Variants in TRAPPC8 observed in about 807,000 individuals in gnomAD.
TRAPPC8 encodes the protein general sporulation gene 1 homolog.
Under a neutral mutation model 174.3 loss-of-function variants are expected in TRAPPC8, and 54 were observed. That is an observed-to-expected ratio of 0.31 (90% CI 0.25 to 0.39). The LOEUF is 0.39. TRAPPC8 is among the 10% of genes least tolerant of loss of function. TRAPPC8 has a pLI of 1.00. For synonymous variants in TRAPPC8, 630 were observed against 579.9 expected, an observed-to-expected ratio of 1.09 and a Z score of -1.24; for missense variants, 1,531 against 1,699.1, an observed-to-expected ratio of 0.90 and a Z score of 1.74.
chr18:31,889,928 C>G lies in TRAPPC8; in HGVS notation c.1728+807G>C, dbSNP rs147505725. ...AAACACTGGGATGCTTTGGTTAGCA[C>G]AGACTTAGAAAAATTAAGGATGTTC... On this transcript the variant is annotated intron_variant, in intron 12 of 28. Transcript: ENST00000283351. Among the ~76,000 whole-genome samples, 15 of 152,230 alleles carry G rather than the reference C, an allele frequency of 9.9e-5. No individual in the cohort carries two copies. The East Asian group carries it at 1.9e-3, about 20-fold the overall frequency.
chr18:31,869,843 C>T (rs189081498), intron 16 of TRAPPC8, among the ~76,000 whole-genome samples: 1 of 152,252 alleles, frequency 6.6e-6, no homozygotes, highest in East Asian at 1.9e-4. Context: ...AATCCCAGCA[C>T]TTCGGGAGGC....
In TRAPPC8 at chr18:31,909,657, A is replaced by G. The variant is rs1431735532; in HGVS notation, c.865+10T>C. On this transcript the variant is annotated intron_variant, in intron 6 of 28. Coordinates refer to ENST00000283351, the MANE Select transcript of TRAPPC8 (RefSeq NM_014939.5). Reference sequence around the variant, plus strand: ...ATCAAAAGAGAAACTTAGAGAAAATATATCAAGACCTTTGACTTCGTTATC... The same window carrying G: ...ATCAAAAGAGAAACTTAGAGAAAATGTATCAAGACCTTTGACTTCGTTATC... The G allele has an allele frequency of 6.3e-6, 10 of 1,587,870 alleles. No individual in the cohort carries two copies. Among genetic ancestry groups the G allele is most frequent in the African/African-American group, 5.5e-5 (4 of 73,112 alleles).
chr18:31,934,298 A>G (rs891564467), intron 1 of TRAPPC8, among the ~76,000 whole-genome samples: 18 of 152,170 alleles, frequency 1.2e-4, no homozygotes, highest in African/African-American at 4.1e-4. Context: ...AGTCTGTCCT[A>G]TAACGTTTGA....
chr18:31,911,124 T>A (rs1747128774), intron 5 of TRAPPC8, among the ~76,000 whole-genome samples: 1 of 152,194 alleles, frequency 6.6e-6, no homozygotes, highest in Admixed American at 6.5e-5. Flanking sequence ...TATCAGAAGA[T>A]CAAAAATTAC....
chr18:31,942,633 C>T lies in TRAPPC8; in HGVS notation c.132G>A (p.Lys44=). The change falls in exon 1 of 29, where the codon AAG becomes AAA. Residue 44 remains lysine (K), a synonymous_variant. Coordinates refer to ENST00000283351, the MANE Select transcript of TRAPPC8 (RefSeq NM_014939.5). ...LNHLSFAELL[K]PFSRLTSEVH... ...CCTCGGAAGTGAGGCGGGAGAAGGG[C>T]TTAAGCAGCTCCGCGAAGCTGAGGT... 6.2e-7 allele frequency: 1 copy of T among 1,610,644 alleles called. No individual in the cohort carries two copies. Among genetic ancestry groups the T allele is most frequent in the Non-Finnish European group, 8.5e-7 (1 of 1,178,448 alleles).
intron 10 of TRAPPC8, among the ~76,000 whole-genome samples, chr18:31,900,314 T>G (rs934476234): frequency 2.6e-5 from 4 of 152,156 alleles, no homozygotes; most frequent in African/African-American, 9.7e-5. Context: ...CTTTCCAAAT[T>G]TATCATCCAG....
chr18:31,849,757 C>T lies in TRAPPC8; in HGVS notation c.3562-18G>A, dbSNP rs554480735. On this transcript the variant is annotated intron_variant, in intron 24 of 28. Transcript: ENST00000283351. ...CTTATTATCTGTTAAAAGAAAATCACTTGTGTTCATAAATGCTTTTAATTA... is the reference window on the plus strand; with the variant it reads ...CTTATTATCTGTTAAAAGAAAATCATTTGTGTTCATAAATGCTTTTAATTA... The T allele has an allele frequency of 2.9e-5, 46 of 1,563,988 alleles. No homozygotes were observed. The highest frequency in any genetic ancestry group is 3.8e-5 in the Non-Finnish European group (44 of 1,157,650).
intron 22 of TRAPPC8, among the ~76,000 whole-genome samples, chr18:31,853,124 T>C (rs1326803641): frequency 6.6e-6 from 1 of 152,238 alleles, no homozygotes; most frequent in African/African-American, 2.4e-5. Context: ...ATTCTTTTGT[T>C]TGAATGTTAT....
chr18:31,871,197 C>G (rs2034841718), intron 14 of TRAPPC8, 77 bp from the exon 15 acceptor site: 3 of 829,840 alleles, frequency 3.6e-6, no homozygotes, highest in Non-Finnish European at 5.2e-6. Flanking sequence ...ACATAAGGTA[C>G]AGAAATAAAA....
rs7228390 is a variant in TRAPPC8 at position 31,871,653 on chromosome 18, G to C, written c.2063-533C>G. ...TATATCTAAAAAATGCATAAAATTA[G>C]TTTTTATGTTTGAAACTTATACTGT... On this transcript the variant is annotated intron_variant, in intron 14 of 28. Coordinates refer to ENST00000283351, the MANE Select transcript of TRAPPC8 (RefSeq NM_014939.5). Among the ~76,000 whole-genome samples, 1,354 of 152,082 alleles carry C rather than the reference G, an allele frequency of 8.9e-3. 20 individuals carry two copies. Among genetic ancestry groups the C allele is most frequent in the African/African-American group, 0.03 (1,246 of 41,486 alleles).
intron 19 of TRAPPC8, among the ~76,000 whole-genome samples, chr18:31,861,544 T>C (rs2034320500): frequency 6.6e-6 from 1 of 152,178 alleles, no homozygotes. Context: ...TAAACCTCTA[T>C]TCATAGGAAT....
intron 4 of TRAPPC8, among the ~76,000 whole-genome samples, chr18:31,914,757 CA>C (rs2037060994): frequency 6.6e-6 from 1 of 152,086 alleles, no homozygotes; most frequent in South Asian, 2.1e-4. Flanking sequence ...CACCAAAAGC[CA>C]AAATAAGCTC....
In TRAPPC8 at chr18:31,927,054, G is replaced by A. The variant is rs2037647631; in HGVS notation, c.352+4275C>T. On this transcript the variant is annotated intron_variant, in intron 2 of 28. Coordinates refer to ENST00000283351, the MANE Select transcript of TRAPPC8 (RefSeq NM_014939.5). ...GTGGGGCAAGGTACAGATCACTGTT[G>A]TTTTTTCCTTTAAGTCTTTTTATCA... Among the ~76,000 whole-genome samples the A allele has an allele frequency of 3.3e-5, 5 of 152,030 alleles. No individual in the cohort carries two copies. In the South Asian group the frequency reaches 8.3e-4, roughly 25 times the overall value.
Position 31,857,814 on chromosome 18 carries a change from G to T in TRAPPC8, c.2914C>A (p.Pro972Thr). ...GNTAVLTPLS[P>T]SASENCSAYK... ...GCACTACAATTCTCAGAAGCTGAGGGACTTAGTGGTGTTAGAACAGCAGTA... is the reference window on the plus strand; with the variant it reads ...GCACTACAATTCTCAGAAGCTGAGGTACTTAGTGGTGTTAGAACAGCAGTA... Residue 972 changes from proline (P) to threonine (T), a missense_variant, in exon 20 of 29, where the codon CCC (proline) becomes ACC (threonine). Physicochemically the swap from Pro to Thr is conservative, Grantham distance 38. Transcript: ENST00000283351. 2 of 1,614,166 alleles carry T rather than the reference G, an allele frequency of 1.2e-6. No homozygotes were observed. The highest frequency in any genetic ancestry group is 1.7e-6 in the Non-Finnish European group (2 of 1,180,040).
chr18:31,832,670 T>A (rs1304547413), intron 27 of TRAPPC8: 2 of 152,184 alleles, frequency 1.3e-5, no homozygotes, highest in African/African-American at 2.4e-5. Context: ...TATGAGGAAA[T>A]CTCTTTCGAG....
At chr18:31,942,221 A>C (rs1738899733) in intron 1 of TRAPPC8, among the ~76,000 whole-genome samples, 1 of 152,214 alleles carries the variant, frequency 6.6e-6, no homozygotes, top group Admixed American at 6.5e-5. Context: ...GGTCTTCCTT[A>C]CTCAGACCCT....
At chr18:31,920,494 G>A (rs571269980) in intron 2 of TRAPPC8, among the ~76,000 whole-genome samples, 1 of 152,182 alleles carries the variant, frequency 6.6e-6, no homozygotes, top group East Asian at 1.9e-4. Context: ...GCTGCTTCAT[G>A]TTCATTCTTA....
intron 25 of TRAPPC8, among the ~76,000 whole-genome samples, chr18:31,848,376 T>C (rs554163021): frequency 6.6e-6 from 1 of 152,182 alleles, no homozygotes; most frequent in Non-Finnish European, 1.5e-5. Flanking sequence ...CAAAACCTTG[T>C]CTCAGAAATA....
chr18:31,834,011 A>C (rs2144916681), intron 27 of TRAPPC8, among the ~76,000 whole-genome samples: 1 of 151,128 alleles, frequency 6.6e-6, no homozygotes. Context: ...CAAAAAAAAA[A>C]AACAAAAAAC....
Sources: gnomAD v4.1 joint callset for allele counts (sites outside exome capture counted in the v4.1 genomes callset) on GRCh38, gnomAD v4.1.1 for gene constraint, MANE v1.5 for transcripts, NCBI Gene and HGNC (gene_info 2026-07-23, HGNC 2026-07-21) for gene names.